FOXP2: variants seen among roughly 807,000 people sequenced by gnomAD.
FOXP2 encodes the protein forkhead box P2.
In FOXP2, 12 loss-of-function variants were observed where a neutral mutation model predicts 115.8. The observed-to-expected ratio is 0.10, with a 90% confidence interval of 0.07 to 0.17. The LOEUF (loss-of-function observed/expected upper bound fraction) is 0.17, where lower values mean the gene tolerates loss of function less well. Among genes scored for constraint, FOXP2 ranks in the 10% least tolerant of loss-of-function variants. FOXP2 has a pLI of 1.00. For synonymous variants in FOXP2, 328 were observed against 297.7 expected (o/e 1.10, Z -1.05); for missense variants, 629 against 843.5 (o/e 0.75, Z 3.15).
intron 3 of FOXP2, among the ~76,000 whole-genome samples, chr7:114,555,993 G>A (rs2129289143): frequency 6.6e-6 from 1 of 152,144 alleles, no homozygotes; most frequent in East Asian, 1.9e-4. Flanking sequence ...ACATGGCAGT[G>A]GACTTGGTAA....
At chr7:114,087,575 G>A (rs1031527899), upstream of FOXP2, among the ~76,000 whole-genome samples, 1 of 149,902 alleles carries the variant, frequency 6.7e-6, no homozygotes, top group Non-Finnish European at 1.5e-5. Context: ...AGGCGGGCGG[G>A]CAGAGCGCGG....
At chr7:114,585,512 T>G (rs138145421) in intron 3 of FOXP2, among the ~76,000 whole-genome samples, 2,042 of 151,640 alleles carry the variant, frequency 0.013, 24 homozygotes, top group South Asian at 0.021. Context: ...TTTAACACGG[T>G]CTTCAGTTAA....
intron 16 of FOXP2, among the ~76,000 whole-genome samples, chr7:114,671,003 T>G (rs1442084054): frequency 6.6e-6 from 1 of 152,124 alleles, no homozygotes; most frequent in Non-Finnish European, 1.5e-5. Context: ...TTTCATAGAT[T>G]TTTTAATTAA....
intron 8 of FOXP2, chr7:114,645,155 TATATATATA>T (rs1805813850): frequency 7.6e-6 from 1 of 132,096 alleles, no homozygotes. Flanking sequence ...TATATATATA[TATATATATA>T]TATATATATA....
At chr7:114,474,624 G>A (rs1796179153) in intron 2 of FOXP2, among the ~76,000 whole-genome samples, 1 of 152,092 alleles carries the variant, frequency 6.6e-6, no homozygotes, top group Admixed American at 6.6e-5. Flanking sequence ...CAAAACATAA[G>A]ATTTAGTGGT....
At chr7:114,101,899 TTG>T (rs5886693) in intron 1 of FOXP2, among the ~76,000 whole-genome samples, 32,508 of 142,226 alleles carry the variant, frequency 0.23, 3,822 homozygotes, top group Middle Eastern at 0.35. Flanking sequence ...CTTCAACATT[TTG>T]TGTGTGTGTG....
chr7:114,459,745 A>C (rs997517799), intron 2 of FOXP2, among the ~76,000 whole-genome samples: 1 of 152,050 alleles, frequency 6.6e-6, no homozygotes, highest in Non-Finnish European at 1.5e-5. Context: ...CCTTCCGGGT[A>C]GCTGGGATTA....
At chr7:114,313,700 G>C (rs1360368632) in intron 2 of FOXP2, among the ~76,000 whole-genome samples, 7 of 128,874 alleles carry the variant, frequency 5.4e-5, no homozygotes, top group African/African-American at 9.9e-5. Context: ...AGCCGAGATT[G>C]CGCCACTGCA....
chr7:114,609,562 T>G (rs1803520867), intron 3 of FOXP2, among the ~76,000 whole-genome samples: 1 of 152,226 alleles, frequency 6.6e-6, no homozygotes, highest in South Asian at 2.1e-4. Flanking sequence ...CGATATAGAA[T>G]GTCTTTTCTA....
At chr7:114,143,918 C>T (rs1792292573) in intron 1 of FOXP2, among the ~76,000 whole-genome samples, 1 of 151,946 alleles carries the variant, frequency 6.6e-6, no homozygotes, top group Non-Finnish European at 1.5e-5. Context: ...GGTATGAAAC[C>T]ATCCCTGACT....
At chr7:114,262,248 G>A (rs184309003) in intron 1 of FOXP2, among the ~76,000 whole-genome samples, 5 of 151,996 alleles carry the variant, frequency 3.3e-5, no homozygotes, top group Admixed American at 2.6e-4. Context: ...ACATAGTGAG[G>A]CCCCATCTCT....
At chr7:114,398,336 A>G (rs1401006722) in intron 2 of FOXP2, among the ~76,000 whole-genome samples, 3 of 152,176 alleles carry the variant, frequency 2.0e-5, no homozygotes, top group Non-Finnish European at 2.9e-5. Context: ...AATAGACAAT[A>G]AATGAAAGGA....
chr7:114,261,035 G>A (rs992539095), intron 1 of FOXP2, among the ~76,000 whole-genome samples: 2 of 152,154 alleles, frequency 1.3e-5, no homozygotes, highest in Admixed American at 6.5e-5. Context: ...AGTAGTAGAT[G>A]GTGGATAAGC....
At chr7:114,680,200 T>A (rs1808011364) in intron 16 of FOXP2, among the ~76,000 whole-genome samples, 1 of 152,232 alleles carries the variant, frequency 6.6e-6, no homozygotes. Flanking sequence ...AGGAGCTGGC[T>A]ATGCCTTTTT....
chr7:114,680,239 T>C (rs958398181), intron 16 of FOXP2, among the ~76,000 whole-genome samples: 1 of 152,202 alleles, frequency 6.6e-6, no homozygotes, highest in Admixed American at 6.5e-5. Context: ...TGGTGTTTTT[T>C]TGTAGTAAGG....
chr7:114,435,711 G>C (rs1794311722), intron 2 of FOXP2, among the ~76,000 whole-genome samples: 1 of 152,024 alleles, frequency 6.6e-6, no homozygotes. Context: ...CTAATTTTTT[G>C]TATCTTTAGT....
chr7:114,570,565 A>AT (rs900423251), intron 3 of FOXP2, among the ~76,000 whole-genome samples: 12 of 151,946 alleles, frequency 7.9e-5, no homozygotes, highest in Admixed American at 7.2e-4. Context: ...TAATCAGTGG[A>AT]TTTTTTGGTT....
At chr7:114,299,802 T>C (rs1160104721) in intron 2 of FOXP2, among the ~76,000 whole-genome samples, 2 of 152,016 alleles carry the variant, frequency 1.3e-5, no homozygotes, top group Non-Finnish European at 2.9e-5. Flanking sequence ...GGAGCTTTAA[T>C]AGGGAAAACA....
chr7:114,648,214 C>T (rs1442047417), intron 8 of FOXP2, among the ~76,000 whole-genome samples: 3 of 152,020 alleles, frequency 2.0e-5, no homozygotes, highest in Admixed American at 6.6e-5. Context: ...AAATTATGAC[C>T]TCAAGAAGGC....
Sources: gnomAD v4.1 joint callset for allele counts (sites outside exome capture counted in the v4.1 genomes callset) on GRCh38, gnomAD v4.1.1 for gene constraint, MANE v1.5 for transcripts, NCBI Gene and HGNC (gene_info 2026-07-23, HGNC 2026-07-21) for gene names.